The following ATP8A2 variants were observed in gnomAD, a reference collection of about 807,000 sequenced individuals.
ATP8A2 encodes phospholipid-transporting ATPase IB.
A neutral mutation model predicts 165.6 loss-of-function variants in ATP8A2; 100 were observed. That is an observed-to-expected ratio of 0.60 (90% confidence interval 0.51 to 0.71). The LOEUF (loss-of-function observed/expected upper bound fraction) is 0.71. ATP8A2 is among the 30% of genes least tolerant of loss of function. The pLI, the probability that ATP8A2 is intolerant of heterozygous loss-of-function variation, is 0.00. For synonymous variants in ATP8A2, 543 were observed against 548.8 expected (o/e 0.99, Z 0.15); for missense variants, 1,227 against 1,479.5 (o/e 0.83, Z 2.80).
chr13:25,880,748 A>G (rs1287643516), intron 33 of ATP8A2, among the ~76,000 whole-genome samples: 1 of 152,162 alleles, frequency 6.6e-6, no homozygotes, highest in Admixed American at 6.6e-5. Flanking sequence ...CTATCCCTTC[A>G]TGCCCCCAAA....
At chr13:25,643,736 TG>T (rs1191421931) in intron 24 of ATP8A2, among the ~76,000 whole-genome samples, 2 of 151,206 alleles carry the variant, frequency 1.3e-5, no homozygotes, top group Admixed American at 6.6e-5. Flanking sequence ...GCTTTGGTTT[TG>T]TTTTGTTTTT....
At chr13:25,977,329 C>A (rs1368959597) in intron 35 of ATP8A2, among the ~76,000 whole-genome samples, 2 of 152,160 alleles carry the variant, frequency 1.3e-5, no homozygotes, top group African/African-American at 4.8e-5. Flanking sequence ...GAGCCAACGA[C>A]GCTCCCAGGC....
chr13:25,735,110 G>A (rs9634421), intron 25 of ATP8A2, among the ~76,000 whole-genome samples: 96,684 of 152,040 alleles, frequency 0.64, 31,221 homozygotes, highest in East Asian at 0.74. Context: ...CCTGTCTTGA[G>A]GGTGGATACT....
intron 33 of ATP8A2, among the ~76,000 whole-genome samples, chr13:25,872,168 A>G (rs1368926447): frequency 1.3e-5 from 2 of 151,778 alleles, no homozygotes; most frequent in African/African-American, 4.8e-5. Flanking sequence ...CTCACTGACC[A>G]TGGCAGTTGA....
intron 2 of ATP8A2, among the ~76,000 whole-genome samples, chr13:25,474,825 T>C (rs1593363478): frequency 6.6e-6 from 1 of 151,940 alleles, no homozygotes. Context: ...TAGTACTCAA[T>C]AGTTATTATT....
At position 25,678,792 on chromosome 13, in the gene ATP8A2, G is replaced by T. The variant is rs79664457; in HGVS notation, c.2212-20381G>T. Among the ~76,000 whole-genome samples, 20 of 152,276 alleles carry T rather than the reference G, an allele frequency of 1.3e-4. No homozygotes were observed. In the East Asian group the frequency reaches 3.1e-3, roughly 24 times the overall value. On this transcript the variant is annotated intron_variant, in intron 24 of 36. Transcript: ENST00000381655. ...TTGGGCAAGTCAGTTCACCTCTAAG[G>T]CTTCCTCATAAAATGAGGAGAATAA...
intron 1 of ATP8A2, among the ~76,000 whole-genome samples, chr13:25,400,749 G>A (rs533446684): frequency 9.8e-5 from 15 of 152,296 alleles, no homozygotes; most frequent in Admixed American, 5.2e-4. Context: ...TTGCTGTAAC[G>A]GTGCAGAAAG....
At chr13:25,560,035 T>C (rs35350386) in intron 15 of ATP8A2, among the ~76,000 whole-genome samples, 88,486 of 151,884 alleles carry the variant, frequency 0.58, 26,836 homozygotes, top group Non-Finnish European at 0.64. Flanking sequence ...ACTATGTTGC[T>C]CAGGCTGGTC....
chr13:25,480,427 T>C (rs1039215417), intron 2 of ATP8A2, among the ~76,000 whole-genome samples: 3 of 147,248 alleles, frequency 2.0e-5, no homozygotes, highest in African/African-American at 7.7e-5. Context: ...GAGAGTCTCC[T>C]CCCTTCTCAG....
intron 19 of ATP8A2, among the ~76,000 whole-genome samples, chr13:25,575,755 A>G (rs1161224037): frequency 6.6e-6 from 1 of 152,114 alleles, no homozygotes; most frequent in African/African-American, 2.4e-5. Context: ...AAGTGGTGAC[A>G]GTGTCCCTGC....
chr13:25,520,726 C>T (rs570401352), intron 2 of ATP8A2, among the ~76,000 whole-genome samples: 22 of 151,786 alleles, frequency 1.4e-4, no homozygotes, highest in Admixed American at 1.4e-3. Context: ...CTCAACCTCC[C>T]AAGTAGCTGG....
chr13:25,465,670 T>C (rs9581348), intron 1 of ATP8A2, among the ~76,000 whole-genome samples: 2,648 of 10,296 alleles, frequency 0.26, 44 homozygotes, highest in South Asian at 0.36. Context: ...GAGTTTTCTT[T>C]CTTTCTTTCT....
At chr13:25,652,649 G>T (rs956784930) in intron 24 of ATP8A2, among the ~76,000 whole-genome samples, 10 of 152,142 alleles carry the variant, frequency 6.6e-5, no homozygotes, top group African/African-American at 2.2e-4. Context: ...GTGTAAACTT[G>T]TGTTGTTACA....
intron 35 of ATP8A2, among the ~76,000 whole-genome samples, chr13:26,009,555 G>A (rs566656348): frequency 2.2e-4 from 33 of 152,314 alleles, no homozygotes; most frequent in African/African-American, 7.7e-4. Flanking sequence ...ACTTTTAGGG[G>A]GATGGAGCTC....
intron 10 of ATP8A2, among the ~76,000 whole-genome samples, chr13:25,549,302 A>C (rs1008442776): frequency 1.3e-5 from 2 of 152,126 alleles, no homozygotes; most frequent in Admixed American, 1.3e-4. Flanking sequence ...TACTAAAAAT[A>C]CAAAAAAATT....
intron 2 of ATP8A2, among the ~76,000 whole-genome samples, chr13:25,511,776 CATT>C (rs528255749): frequency 2.6e-4 from 40 of 152,056 alleles, no homozygotes; most frequent in African/African-American, 8.9e-4. Context: ...GTATGTGTCT[CATT>C]GTTGTGGGTA....
At chr13:25,412,712 T>C (rs761099744) in intron 1 of ATP8A2, among the ~76,000 whole-genome samples, 1 of 152,146 alleles carries the variant, frequency 6.6e-6, no homozygotes, top group Non-Finnish European at 1.5e-5. Context: ...GAATCATAGA[T>C]TCATCACAGA....
chr13:25,940,209 C>T (rs1446392341), intron 33 of ATP8A2, among the ~76,000 whole-genome samples: 3 of 152,122 alleles, frequency 2.0e-5, no homozygotes, highest in Non-Finnish European at 4.4e-5. Flanking sequence ...CTTCTGCTCA[C>T]CACAGAGAGT....
At chr13:25,882,894 AGATGATGATGATGAT>A (rs3837558) in intron 33 of ATP8A2, among the ~76,000 whole-genome samples, 8,068 of 147,314 alleles carry the variant, frequency 0.055, 341 homozygotes, top group East Asian at 0.18. Flanking sequence ...CCTGTGCCTG[AGATGATGATGATGAT>A]GATGATGATG....
Sources: gnomAD v4.1 joint callset for allele counts (sites outside exome capture counted in the v4.1 genomes callset) on GRCh38, gnomAD v4.1.1 for gene constraint, MANE v1.5 for transcripts, NCBI Gene and HGNC (gene_info 2026-07-23, HGNC 2026-07-21) for gene names.